Variants in DLGAP2 observed in about 807,000 individuals in gnomAD.
DLGAP2 encodes the protein disks large-associated protein 2.
Under a neutral mutation model 100.3 loss-of-function variants are expected in DLGAP2, and 26 were observed. The ratio of observed to expected loss-of-function variants is 0.26; its 90% confidence interval spans 0.19 to 0.36. The LOEUF is 0.36. Among genes scored for constraint, DLGAP2 ranks in the 10% least tolerant of loss-of-function variants. The pLI is 1.00. For missense variants in DLGAP2, 1,858 were observed against 1,453.2 expected (o/e 1.28, Z -4.53); for synonymous variants, 886 against 630.1 (o/e 1.41, Z -6.08).
At chr8:1,486,964 A>G (rs887933302) in intron 3 of DLGAP2, among the ~76,000 whole-genome samples, 15 of 152,232 alleles carry the variant, frequency 9.9e-5, no homozygotes, top group African/African-American at 3.6e-4. Flanking sequence ...TTGAAACAAT[A>G]TTGGGGCCCG....
intron 2 of DLGAP2, among the ~76,000 whole-genome samples, chr8:1,209,320 C>A (rs958691222): frequency 1.3e-5 from 2 of 152,164 alleles, no homozygotes; most frequent in African/African-American, 4.8e-5. Context: ...AGCAATGGAA[C>A]AGAATAGAGG....
chr8:1,690,500 T>G (rs1724778691), intron 12 of DLGAP2, among the ~76,000 whole-genome samples: 1 of 149,926 alleles, frequency 6.7e-6, no homozygotes, highest in Non-Finnish European at 1.5e-5. Flanking sequence ...AGGTCGGGAG[T>G]TCGAGACCAG....
chr8:1,285,178 T>C (rs1484452487), intron 3 of DLGAP2, among the ~76,000 whole-genome samples: 1 of 152,200 alleles, frequency 6.6e-6, no homozygotes, highest in African/African-American at 2.4e-5. Context: ...GAGTGTTCTG[T>C]TGTGTTGGTC....
chr8:1,629,624 G>T (rs776073455), intron 7 of DLGAP2, among the ~76,000 whole-genome samples: 5 of 152,244 alleles, frequency 3.3e-5, no homozygotes, highest in Non-Finnish European at 4.4e-5. Context: ...GGATACAGCA[G>T]ACTTTCTTCT....
chr8:1,316,624 C>G (rs370845847), intron 3 of DLGAP2, among the ~76,000 whole-genome samples: 1 of 138,158 alleles, frequency 7.2e-6, no homozygotes, highest in Admixed American at 7.3e-5. Context: ...AGAGCGTGTG[C>G]GAGTGCAGCG....
At chr8:1,647,372 C>T (rs1441024034) in intron 8 of DLGAP2, among the ~76,000 whole-genome samples, 1 of 151,118 alleles carries the variant, frequency 6.6e-6, no homozygotes, top group Non-Finnish European at 1.5e-5. Flanking sequence ...GCCTGTAGTC[C>T]CAGCTACTCA....
chr8:1,537,884 G>C (rs1035474628), intron 4 of DLGAP2, among the ~76,000 whole-genome samples: 1 of 152,214 alleles, frequency 6.6e-6, no homozygotes, highest in Non-Finnish European at 1.5e-5. Context: ...AGGTGGGAGA[G>C]TTTAAGAAGA....
At chr8:1,361,020 G>A (rs1340969126) in intron 3 of DLGAP2, among the ~76,000 whole-genome samples, 1 of 152,216 alleles carries the variant, frequency 6.6e-6, no homozygotes, top group Non-Finnish European at 1.5e-5. Flanking sequence ...CCTGAGAAGG[G>A]GAAGGAAACT....
intron 3 of DLGAP2, among the ~76,000 whole-genome samples, chr8:1,389,966 G>C (rs1016709840): frequency 6.6e-6 from 1 of 152,068 alleles, no homozygotes; most frequent in Non-Finnish European, 1.5e-5. Flanking sequence ...TCCCTCACAC[G>C]TGAACAGGAG....
intron 4 of DLGAP2, among the ~76,000 whole-genome samples, chr8:1,527,713 G>A (rs978818951): frequency 2.0e-5 from 3 of 152,044 alleles, no homozygotes; most frequent in African/African-American, 7.2e-5. Flanking sequence ...CAGCATGCAC[G>A]GCGTAACTGG....
intron 1 of DLGAP2, among the ~76,000 whole-genome samples, chr8:835,790 T>G (rs943503137): frequency 2.0e-5 from 3 of 152,316 alleles, no homozygotes; most frequent in Middle Eastern, 3.4e-3. Context: ...AGGCTTTCCC[T>G]TCTCTGGAGT....
chr8:1,209,379 A>G (rs180862328), intron 2 of DLGAP2, among the ~76,000 whole-genome samples: 31 of 152,274 alleles, frequency 2.0e-4, no homozygotes, highest in African/African-American at 7.0e-4. Flanking sequence ...TTATTTGTTT[A>G]TTAGCTTTTT....
At chr8:983,568 T>G (rs989230173) in intron 2 of DLGAP2, among the ~76,000 whole-genome samples, 1 of 152,224 alleles carries the variant, frequency 6.6e-6, no homozygotes, top group African/African-American at 2.4e-5. Context: ...GTAACTTCCC[T>G]GAGACTCAGT....
chr8:1,463,413 A>G (rs1027108374), intron 3 of DLGAP2, among the ~76,000 whole-genome samples: 5 of 152,204 alleles, frequency 3.3e-5, no homozygotes, highest in Admixed American at 6.5e-5. Flanking sequence ...AGAACCCAGC[A>G]TGGCTATGTA....
At chr8:863,309 C>A (rs1797427836) in intron 1 of DLGAP2, among the ~76,000 whole-genome samples, 1 of 152,110 alleles carries the variant, frequency 6.6e-6, no homozygotes. Flanking sequence ...GTAAGTAAAC[C>A]CTCAAGTCAT....
At chr8:1,534,797 AGT>A (rs780587211) in intron 4 of DLGAP2, among the ~76,000 whole-genome samples, 2 of 151,816 alleles carry the variant, frequency 1.3e-5, no homozygotes, top group African/African-American at 2.4e-5. Flanking sequence ...TGTGAGTGTA[AGT>A]GTGTGTGCGC....
At chr8:917,940 A>G (rs563571171) in intron 2 of DLGAP2, among the ~76,000 whole-genome samples, 18 of 152,314 alleles carry the variant, frequency 1.2e-4, no homozygotes, top group South Asian at 8.3e-4. Flanking sequence ...CTGGATGACA[A>G]TGAGACTGCC....
intron 3 of DLGAP2, among the ~76,000 whole-genome samples, chr8:1,418,326 C>T (rs1029344409): frequency 2.0e-5 from 3 of 152,168 alleles, no homozygotes; most frequent in African/African-American, 7.2e-5. Context: ...TGGCCTCAAA[C>T]ATGAAAATAT....
At chr8:1,108,864 G>T (rs1291000014) in intron 2 of DLGAP2, among the ~76,000 whole-genome samples, 3 of 132,038 alleles carry the variant, frequency 2.3e-5, no homozygotes, top group Non-Finnish European at 4.9e-5. Context: ...GGTGTGCACG[G>T]GTCTGTGAGA....
Sources: allele counts gnomAD v4.1 joint callset (sites outside exome capture counted in the v4.1 genomes callset), GRCh38; gene constraint gnomAD v4.1.1; transcripts MANE v1.5; gene names NCBI Gene and HGNC (gene_info 2026-07-23, HGNC 2026-07-21).